The following HTT variants were observed in gnomAD, a reference collection of about 807,000 sequenced individuals.
HTT encodes the protein huntingtin.
In HTT, 104 loss-of-function variants were observed where a neutral mutation model predicts 362.3. The observed-to-expected ratio is 0.29, with a 90% CI of 0.24 to 0.34. HTT has a LOEUF of 0.34. Among genes scored for constraint, HTT ranks in the 10% least tolerant of loss-of-function variants. The probability of loss-of-function intolerance (pLI) is 1.00; values close to 1 mark genes in which losing one functional copy is unlikely to be tolerated. For synonymous variants in HTT, 1,577 were observed against 1,548.7 expected, an observed-to-expected ratio of 1.02 and a Z score of -0.43; for missense variants, 3,301 against 3,928.6, an observed-to-expected ratio of 0.84 and a Z score of 4.27.
At chr4:3,140,744 T>A in intron 22 of HTT, 88 bp downstream of exon 22, 1 of 1,327,846 alleles carries the variant, frequency 7.5e-7, no homozygotes, top group Non-Finnish European at 1.0e-6. Context: ...AACATTTTAT[T>A]TTCTAGAAAA....
chr4:3,175,256 G>T, intron 33 of HTT, 149 bp downstream of exon 33: 1 of 754,804 alleles, frequency 1.3e-6, no homozygotes, highest in Non-Finnish European at 2.1e-6. Context: ...CACCTAGCTG[G>T]TGCAGAAGGC....
At chr4:3,226,270 T>C (rs1372660845) in intron 57 of HTT, among the ~76,000 whole-genome samples, 1 of 152,110 alleles carries the variant, frequency 6.6e-6, no homozygotes, top group Non-Finnish European at 1.5e-5. Flanking sequence ...TCCTAGCAGG[T>C]CACATTGGTC....
intron 8 of HTT, among the ~76,000 whole-genome samples, chr4:3,116,481 T>C (rs1370276567): frequency 6.6e-6 from 1 of 152,140 alleles, no homozygotes; most frequent in Non-Finnish European, 1.5e-5. Flanking sequence ...TCAGGTGCCG[T>C]GTTACCTAAG....
chr4:3,169,834 A>G (rs1017979032), intron 29 of HTT, among the ~76,000 whole-genome samples: 12 of 152,322 alleles, frequency 7.9e-5, no homozygotes, highest in African/African-American at 2.9e-4. Flanking sequence ...TCGGTCTCCC[A>G]AAGTGTTGGG....
rs113359490 is a variant in HTT, at chr4:3,094,733, A to G, written c.348-4541A>G. Among the ~76,000 whole-genome samples, 234 of 91,318 alleles carry G rather than the reference A, an allele frequency of 2.6e-3. 1 individual carries two copies. Among genetic ancestry groups the G allele is most frequent in the Middle Eastern group, 8.1e-3 (1 of 124 alleles). 59.9% of individuals were successfully genotyped at this position (91,318 alleles called of 152,430 possible). ...GGGCTGCCCCCCACCTCCCGGACGGAGCGGCTGCCGGGCGGAGGGGCTCCT... is the reference window on the plus strand; with the variant it reads ...GGGCTGCCCCCCACCTCCCGGACGGGGCGGCTGCCGGGCGGAGGGGCTCCT... On this transcript the variant is annotated intron_variant, in intron 2 of 66. Transcript: ENST00000355072.
At chr4:3,188,017 G>A (rs1718847458) in intron 39 of HTT, 131 bp downstream of exon 39, 1 of 624,788 alleles carries the variant, frequency 1.6e-6, no homozygotes, top group African/African-American at 1.8e-5. Flanking sequence ...GTCTGTATCA[G>A]TGTAATTTTC....
chr4:3,147,942 C>G, intron 25 of HTT, 63 bp from the exon 26 acceptor site: 1 of 1,362,858 alleles, frequency 7.3e-7, no homozygotes, highest in Non-Finnish European at 1.0e-6. Flanking sequence ...CTTCAGTTCC[C>G]CAAGCAATTT....
intron 29 of HTT, among the ~76,000 whole-genome samples, chr4:3,170,537 G>T (rs1459524817): frequency 6.6e-6 from 1 of 152,060 alleles, no homozygotes; most frequent in Non-Finnish European, 1.5e-5. Flanking sequence ...CTGAGTACTC[G>T]AGAGGGACCT....
Position 3,142,867 on chromosome 4 carries a change from C to G in HTT, c.3047C>G (p.Ser1016Ter). The G allele has an allele frequency of 6.2e-7, 1 of 1,612,678 alleles. No individual in the cohort carries two copies. The highest frequency in any genetic ancestry group is 8.5e-7 in the Non-Finnish European group (1 of 1,178,826). The change falls in exon 23 of 67, where the codon TCA becomes TGA. Residue 1016 changes from serine (S) to a stop codon, truncating the protein, a stop_gained. Transcript: ENST00000355072. LOFTEE classifies it high-confidence loss of function. ...IAAVSHELIT[S>*]TTRALTFGCC... is the part of the protein sequence containing the mutation. ...GCAGTTTCTCATGAACTAATCACAT[C>G]AACCACCAGAGCACTCACAGTAAGT... is the stretch of plus-strand genomic sequence containing the variant.
intron 37 of HTT, among the ~76,000 whole-genome samples, chr4:3,185,707 G>A (rs911012377): frequency 3.3e-5 from 5 of 152,194 alleles, no homozygotes; most frequent in African/African-American, 1.2e-4. Context: ...GAGCTCAGGA[G>A]TTTGAGACCA....
In HTT at chr4:3,224,011, A is replaced by G. The variant is rs1578604861; in HGVS notation, c.7645A>G (p.Ile2549Val). ...ATGTAGGTTTGGGAGGAAGCTGAGCATTATCAGAGGGATTGTGGAGCAAGA... is the reference window on the plus strand; with the variant it reads ...ATGTAGGTTTGGGAGGAAGCTGAGCGTTATCAGAGGGATTGTGGAGCAAGA... ...LDTRFGRKLS[I>V]IRGIVEQEIQ... Residue 2549 changes from isoleucine (I) to valine (V), a missense_variant, in exon 56 of 67, where the codon ATT (isoleucine) becomes GTT (valine). Ile to Val is a conservative substitution (Grantham distance 29, BLOSUM62 3). Around this residue, in one of 4 missense-constraint regions of HTT, gnomAD observed 753 missense variants for 1,021.3 expected, o/e 0.74. Transcript: ENST00000355072. 1.2e-5 allele frequency: 20 copies of G among 1,614,174 alleles called. No individual in the cohort carries two copies. The highest frequency in any genetic ancestry group is 1.7e-5 in the Non-Finnish European group (20 of 1,179,972).
At chr4:3,225,345 G>T (rs1457758555) in intron 56 of HTT, among the ~76,000 whole-genome samples, 1 of 152,220 alleles carries the variant, frequency 6.6e-6, no homozygotes, top group African/African-American at 2.4e-5. Context: ...AGCTTTTGCA[G>T]CTCAGCCCAC....
chr4:3,170,677 C>G (rs576258843), intron 29 of HTT, among the ~76,000 whole-genome samples: 1 of 152,332 alleles, frequency 6.6e-6, no homozygotes, highest in African/African-American at 2.4e-5. Flanking sequence ...TGTCCCTCCT[C>G]CTTGTGCCAC....
intron 37 of HTT, among the ~76,000 whole-genome samples, chr4:3,184,006 A>T: frequency 6.6e-6 from 1 of 152,142 alleles, no homozygotes; most frequent in East Asian, 1.9e-4. Context: ...GGATGCGGGT[A>T]AGGGGACAGA....
Position 3,187,854 on chromosome 4 carries a change from A to G in HTT, c.5193A>G (p.Gln1731=). 6.2e-7 allele frequency: 1 copy of G among 1,612,502 alleles called. No homozygotes were observed. Among genetic ancestry groups the G allele is most frequent in the Non-Finnish European group, 8.5e-7 (1 of 1,178,744 alleles). Reference sequence around the variant, plus strand: ...TAGAAGAACACAGTGAAGGGAAACAAATAAAGAATTTGCCAGAAGAAACAT... The same window carrying G: ...TAGAAGAACACAGTGAAGGGAAACAGATAAAGAATTTGCCAGAAGAAACAT... ...STLEEHSEGK[Q]IKNLPEETFS... Residue 1731 remains glutamine (Q), a synonymous_variant, in exon 39 of 67, where the codon CAA becomes CAG. Transcript: ENST00000355072.
chr4:3,143,169 G>GC (rs1716428265), intron 23 of HTT, among the ~76,000 whole-genome samples: 1 of 152,170 alleles, frequency 6.6e-6, no homozygotes, highest in Admixed American at 6.5e-5. Context: ...AGGCATGGTG[G>GC]CTCATGCCTG....
intron 41 of HTT, among the ~76,000 whole-genome samples, chr4:3,203,684 A>T (rs557757437): frequency 6.6e-6 from 1 of 152,354 alleles, no homozygotes; most frequent in South Asian, 2.1e-4. Context: ...GCAATTGCTC[A>T]ATTATCAAAC....
intron 40 of HTT, among the ~76,000 whole-genome samples, chr4:3,197,147 G>T (rs1719291057): frequency 6.6e-6 from 1 of 152,094 alleles, no homozygotes; most frequent in African/African-American, 2.4e-5. Flanking sequence ...AATTGATTGT[G>T]TTCCTCGAGT....
chr4:3,088,659 T>C (rs1406531374), intron 2 of HTT, among the ~76,000 whole-genome samples: 1 of 152,236 alleles, frequency 6.6e-6, no homozygotes, highest in Non-Finnish European at 1.5e-5. Flanking sequence ...CATTCTTTCC[T>C]GTAGTCCCTT....
Sources: allele counts gnomAD v4.1 joint callset (sites outside exome capture counted in the v4.1 genomes callset), GRCh38; gene constraint gnomAD v4.1.1; regional missense constraint gnomAD v4.1.1; transcripts MANE v1.5; gene names NCBI Gene and HGNC (gene_info 2026-07-23, HGNC 2026-07-21).